The following CPXM2 variants were observed in gnomAD, a reference collection of about 807,000 sequenced individuals.
The protein encoded by CPXM2 is inactive carboxypeptidase-like protein X2.
In CPXM2, 66 loss-of-function variants were observed where a neutral mutation model predicts 86.1. The ratio of observed to expected loss-of-function variants is 0.77; its 90% CI spans 0.63 to 0.94. The LOEUF (loss-of-function observed/expected upper bound fraction) is 0.94. Ranked by LOEUF, CPXM2 falls within the 40% of genes least tolerant of loss-of-function variation. CPXM2 has a pLI of 0.00. For synonymous variants in CPXM2, 388 were observed against 400.2 expected, an observed-to-expected ratio of 0.97 and a Z score of 0.36; for missense variants, 948 against 1,026.3, an observed-to-expected ratio of 0.92 and a Z score of 1.04.
At chr10:123,909,214 A>G (rs1186064050) in intron 2 of CPXM2, among the ~76,000 whole-genome samples, 1 of 152,162 alleles carries the variant, frequency 6.6e-6, no homozygotes, top group African/African-American at 2.4e-5. Context: ...CCTGAGGTTC[A>G]GCGTCCAGGA....
At chr10:123,913,593 A>C (rs1945508070) in intron 2 of CPXM2, 1 of 169,408 alleles carries the variant, frequency 5.9e-6, no homozygotes, top group Non-Finnish European at 1.3e-5. Flanking sequence ...AATAAGTTTT[A>C]AATAAATAGA....
intron 7 of CPXM2, among the ~76,000 whole-genome samples, chr10:123,778,294 C>G (rs986913066): frequency 6.6e-6 from 1 of 152,220 alleles, no homozygotes; most frequent in African/African-American, 2.4e-5. Context: ...AGTAACCTAG[C>G]AGACTCCATA....
At chr10:123,926,246 G>A (rs998505793) in intron 2 of CPXM2, among the ~76,000 whole-genome samples, 7 of 152,218 alleles carry the variant, frequency 4.6e-5, no homozygotes, top group Non-Finnish European at 1.0e-4. Context: ...TCTTACCATG[G>A]AAATGGTTTC....
intron 10 of CPXM2, among the ~76,000 whole-genome samples, chr10:123,765,739 C>A (rs1407075007): frequency 6.6e-6 from 1 of 152,214 alleles, no homozygotes; most frequent in East Asian, 1.9e-4. Context: ...CATCACCCTA[C>A]TGCTCACTTC....
At chr10:123,840,148 C>T (rs115649148) in intron 4 of CPXM2, among the ~76,000 whole-genome samples, 1 of 152,204 alleles carries the variant, frequency 6.6e-6, no homozygotes, top group African/African-American at 2.4e-5. Flanking sequence ...CAAAAATCCC[C>T]ATGGATAATC....
At chr10:123,912,308 C>CGGG (rs147794681) in intron 2 of CPXM2, among the ~76,000 whole-genome samples, 52 of 39,490 alleles carry the variant, frequency 1.3e-3, no homozygotes, top group African/African-American at 4.5e-3. Context: ...AGATGGTGGG[C>CGGG]GGGGGGGGGG....
At chr10:123,781,971 G>A (rs960269055) in intron 6 of CPXM2, among the ~76,000 whole-genome samples, 9 of 152,152 alleles carry the variant, frequency 5.9e-5, no homozygotes, top group African/African-American at 1.9e-4. Context: ...ATCACATATC[G>A]ACCCAAGCAC....
At chr10:123,918,241 CG>C (rs1168992424) in intron 2 of CPXM2, among the ~76,000 whole-genome samples, 5 of 152,062 alleles carry the variant, frequency 3.3e-5, no homozygotes, top group Non-Finnish European at 7.4e-5. Context: ...GACCTAAAAT[CG>C]AATAGGGAGA....
chr10:123,937,328 C>G (rs1193765113), intron 2 of CPXM2, among the ~76,000 whole-genome samples: 1 of 152,196 alleles, frequency 6.6e-6, no homozygotes, highest in African/African-American at 2.4e-5. Context: ...ACAGCATTGA[C>G]CCGGCAGCTC....
At chr10:123,853,071 T>C (rs1217150272) in intron 3 of CPXM2, among the ~76,000 whole-genome samples, 1 of 152,118 alleles carries the variant, frequency 6.6e-6, no homozygotes, top group Non-Finnish European at 1.5e-5. Context: ...ATCTCCCCCT[T>C]AGAACTGTGT....
At chr10:123,788,597 C>T (rs1589999635) in intron 6 of CPXM2, among the ~76,000 whole-genome samples, 1 of 152,306 alleles carries the variant, frequency 6.6e-6, no homozygotes, top group African/African-American at 2.4e-5. Flanking sequence ...GCTCCAAAAG[C>T]GAAGCAGCAC....
In CPXM2 at chr10:123,746,918, C is replaced by T; in HGVS notation, c.2117G>A (p.Gly706Asp). Residue 706 changes from glycine (G) to aspartate (D), a missense_variant, in exon 14 of 14, where the codon GGC becomes GAC. Gly to Asp is a moderately conservative substitution (Grantham distance 94). Coordinates refer to ENST00000241305, the MANE Select transcript of CPXM2 (RefSeq NM_198148.3). ...FTASTKNCMVGYDMGATRCDF... is the reference protein window; with the variant it reads ...FTASTKNCMVDYDMGATRCDF... ...ACACCTTGTGGCCCCCATGTCATAG[C>T]CAACCATACAGTTCTTGGTGGATGC... is the stretch of plus-strand genomic sequence containing the variant. 3 of 1,614,188 alleles carry T rather than the reference C, an allele frequency of 1.9e-6. No individual in the cohort carries two copies. The highest frequency in any genetic ancestry group is 8.5e-7 in the Non-Finnish European group (1 of 1,180,028).
chr10:123,850,907 GAC>G (rs1470025450), intron 3 of CPXM2, among the ~76,000 whole-genome samples: 3 of 152,164 alleles, frequency 2.0e-5, no homozygotes, highest in African/African-American at 4.8e-5. Context: ...CCCAGATAAA[GAC>G]AGACTATTAT....
upstream of CPXM2, among the ~76,000 whole-genome samples, chr10:123,944,086 C>T (rs956435986): frequency 7.9e-5 from 12 of 152,164 alleles, no homozygotes; most frequent in African/African-American, 2.2e-4. Flanking sequence ...GCAAAGGCCC[C>T]GGGCTGGGGT....
intron 4 of CPXM2, among the ~76,000 whole-genome samples, chr10:123,818,323 A>G (rs890408700): frequency 1.3e-5 from 2 of 152,164 alleles, no homozygotes; most frequent in African/African-American, 4.8e-5. Flanking sequence ...ACTCCCACTC[A>G]CCAAGGCTGA....
chr10:123,906,032 G>A (rs1490642833), intron 2 of CPXM2, among the ~76,000 whole-genome samples: 5 of 152,122 alleles, frequency 3.3e-5, no homozygotes, highest in Non-Finnish European at 5.9e-5. Flanking sequence ...CTGAAGTGGG[G>A]GCAGGTCATC....
exon 1 of CPXM2, chr10:123,940,266 C>T (rs1038028022): frequency 6.6e-6 from 1 of 152,286 alleles, no homozygotes; most frequent in Non-Finnish European, 1.5e-5. Context: ...CTTTACCTAC[C>T]CATGGGTGAT....
intron 2 of CPXM2, among the ~76,000 whole-genome samples, chr10:123,867,675 G>A (rs1282280717): frequency 1.3e-5 from 2 of 151,956 alleles, no homozygotes; most frequent in Non-Finnish European, 2.9e-5. Context: ...TGGGATTATA[G>A]GCGCCTGCAA....
chr10:123,942,536 C>T (rs186494833), upstream of CPXM2, among the ~76,000 whole-genome samples: 36 of 152,308 alleles, frequency 2.4e-4, no homozygotes, highest in East Asian at 5.2e-3. Flanking sequence ...ACCAGCACCA[C>T]GACAGTTTAC....
Sources: gnomAD v4.1 joint callset for allele counts (sites outside exome capture counted in the v4.1 genomes callset) on GRCh38, gnomAD v4.1.1 for gene constraint, MANE v1.5 for transcripts, NCBI Gene and HGNC (gene_info 2026-07-23, HGNC 2026-07-21) for gene names.